The following FAM107A variants were observed in gnomAD, a reference collection of about 807,000 sequenced individuals.
FAM107A encodes actin-associated protein FAM107A.
Under a neutral mutation model 13.7 loss-of-function variants are expected in FAM107A, and 19 were observed. That is an observed-to-expected ratio of 1.38 (90% CI 0.97 to 2.03). The LOEUF is 2.03. FAM107A is among the 30% of genes most tolerant of loss of function. FAM107A has a pLI of 0.00. For missense variants in FAM107A, 203 were observed against 184.4 expected, an observed-to-expected ratio of 1.10 and a Z score of -0.58; for synonymous variants, 82 against 74.5, an observed-to-expected ratio of 1.10 and a Z score of -0.52.
At chr3:58,572,478 T>C (rs1394597196) in intron 1 of FAM107A, among the ~76,000 whole-genome samples, 1 of 152,152 alleles carries the variant, frequency 6.6e-6, no homozygotes, top group African/African-American at 2.4e-5. Context: ...GGGAACAGCA[T>C]GTGTGACTCA....
At chr3:58,620,062 C>T (rs564927629) in intron 1 of FAM107A, among the ~76,000 whole-genome samples, 4 of 152,292 alleles carry the variant, frequency 2.6e-5, no homozygotes, top group East Asian at 1.9e-4. Flanking sequence ...GGAAATCAGC[C>T]TCCCTCTCTC....
At chr3:58,577,809 T>G (rs1575443527), upstream of FAM107A, 5 of 774,094 alleles carry the variant, frequency 6.5e-6, no homozygotes, top group South Asian at 5.9e-5. This position sits in a 1 kb window ranked among gnomAD's most constrained non-coding sequence, Gnocchi z 4.9. Context: ...GGGAAAAGGG[T>G]GGGGTGTAAA....
intron 1 of FAM107A, among the ~76,000 whole-genome samples, chr3:58,583,880 C>T (rs1250704166): frequency 6.6e-6 from 1 of 152,126 alleles, no homozygotes; most frequent in Non-Finnish European, 1.5e-5. Flanking sequence ...CGAGATCTCA[C>T]TATTTTGCCC....
rs1163175005 is a variant in FAM107A at position 58,569,184 on chromosome 3, C to T, written c.170+507G>A. On this transcript the variant is annotated intron_variant, in intron 2 of 3. Transcript: ENST00000360997. This position sits in a 1 kb window ranked among gnomAD's most constrained non-coding sequence, Gnocchi z 5.7. Reference sequence around the variant, plus strand: ...GAGGTTCCCTCTGCCATCCAGCACCCACCTCCGGCCTGGCTAACTCCAGTC... The same window carrying T: ...GAGGTTCCCTCTGCCATCCAGCACCTACCTCCGGCCTGGCTAACTCCAGTC... 2.0e-5 allele frequency among the ~76,000 whole-genome samples: 3 copies of T among 152,202 alleles called. No homozygotes were observed. Among genetic ancestry groups the T allele is most frequent in the Non-Finnish European group, 2.9e-5 (2 of 68,040 alleles).
chr3:58,580,411 A>ATTT (rs35805159), upstream of FAM107A, among the ~76,000 whole-genome samples: 111 of 89,018 alleles, frequency 1.2e-3, 2 homozygotes, highest in South Asian at 2.9e-3. Flanking sequence ...AGGAATCTGG[A>ATTT]TTTTTTTTTT....
chr3:58,570,036 A>T (rs905095334), intron 1 of FAM107A, among the ~76,000 whole-genome samples, 171 bp from the exon 2 acceptor site: 13 of 152,202 alleles, frequency 8.5e-5, no homozygotes, highest in Non-Finnish European at 1.3e-4. Flanking sequence ...TTCACTTATA[A>T]AATGGAAATC....
chr3:58,593,972 T>TC (rs1236024199), intron 1 of FAM107A, among the ~76,000 whole-genome samples: 1 of 149,336 alleles, frequency 6.7e-6, no homozygotes, highest in African/African-American at 2.5e-5. Context: ...GTTCCACCCC[T>TC]CCCCCCCACC....
chr3:58,567,036 A>G (rs2063628757), intron 3 of FAM107A, 172 bp downstream of exon 3: 2 of 774,386 alleles, frequency 2.6e-6, no homozygotes, highest in Non-Finnish European at 4.3e-6. Context: ...ACTCGCCCTA[A>G]GGACCTAGCA....
chr3:58,574,144 C>T (rs2063711114), intron 1 of FAM107A: 1 of 152,180 alleles, frequency 6.6e-6, no homozygotes, highest in South Asian at 2.1e-4. Flanking sequence ...GTGTGACCAC[C>T]CTGTTAGCTG....
chr3:58,579,918 G>A (rs560225392), upstream of FAM107A, among the ~76,000 whole-genome samples: 1 of 152,280 alleles, frequency 6.6e-6, no homozygotes, highest in African/African-American at 2.4e-5. Flanking sequence ...CTAGCCCCAG[G>A]GCAGGTACCT....
At position 58,565,475 on chromosome 3, in the gene FAM107A, C is replaced by T. The variant is rs979967929; in HGVS notation, c.*1113G>A. The T allele has an allele frequency of 3.6e-5, 4 of 111,988 alleles. No individual in the cohort carries two copies. The highest frequency in any genetic ancestry group is 3.3e-4 in the South Asian group (1 of 3,076). The allele number at this position is 111,988 out of a possible 1,614,324, so 6.9% of individuals were successfully genotyped here. A position where few individuals can be genotyped will look rare whatever the true frequency, so the allele number is the denominator to read the frequency against. ...TTTTTTTTTTTGGCTAGAATTGCAT[C>T]GTAACAGTGTGGTCACACTGGTAAG... is the stretch of plus-strand genomic sequence containing the variant. On this transcript the variant is annotated 3_prime_UTR_variant, in exon 4 of 4. Transcript: ENST00000360997.
upstream of FAM107A, among the ~76,000 whole-genome samples, chr3:58,582,393 G>A (rs572645263): frequency 2.5e-4 from 38 of 152,318 alleles, no homozygotes; most frequent in African/African-American, 8.9e-4. Flanking sequence ...CACCTGGGGA[G>A]GTGCCTTTTT....
In FAM107A at chr3:58,569,997, A is replaced by C; in HGVS notation, c.-5-132T>G. Reference sequence around the variant, plus strand: ...ACCTGCTACTGCGCATACCTGGGCAAGCTACCTGACTTTCTGAGCCTTAGT... The same window carrying C: ...ACCTGCTACTGCGCATACCTGGGCACGCTACCTGACTTTCTGAGCCTTAGT... On this transcript the variant is annotated intron_variant, in intron 1 of 3. Coordinates refer to ENST00000360997, the MANE Select transcript of FAM107A (RefSeq NM_001076778.3). The surrounding 1 kb of genome is among the most constrained non-coding windows in gnomAD (Gnocchi z 5.7). 3.7e-6 allele frequency: 3 copies of C among 820,402 alleles called. No homozygotes were observed. Among genetic ancestry groups the C allele is most frequent in the Non-Finnish European group, 5.6e-6 (3 of 540,416 alleles). The allele number at this position is 820,402 out of a possible 1,614,324, so 50.8% of individuals were successfully genotyped here. A position where few individuals can be genotyped will look rare whatever the true frequency, so the allele number is the denominator to read the frequency against.
Position 58,569,990 on chromosome 3 carries a change from C to G in FAM107A, c.-5-125G>C, listed in dbSNP as rs1010847036. The G allele has an allele frequency of 6.2e-5, 54 of 876,336 alleles. No homozygotes were observed. The highest frequency in any genetic ancestry group is 8.5e-5 in the Non-Finnish European group (50 of 586,620). 54.3% of individuals were successfully genotyped at this position (876,336 alleles called of 1,614,324 possible). A position where few individuals can be genotyped will look rare whatever the true frequency, so the allele number is the denominator to read the frequency against. ...CTTGGCCACCTGCTACTGCGCATACCTGGGCAAGCTACCTGACTTTCTGAG... is the reference window on the plus strand; with the variant it reads ...CTTGGCCACCTGCTACTGCGCATACGTGGGCAAGCTACCTGACTTTCTGAG... On this transcript the variant is annotated intron_variant, in intron 1 of 3. Transcript: ENST00000360997. The surrounding 1 kb of genome is among the most constrained non-coding windows in gnomAD (Gnocchi z 5.7).
upstream of FAM107A, among the ~76,000 whole-genome samples, chr3:58,587,415 TGTAAAATCGGAATAACCAGA>T (rs1447187199): frequency 6.6e-6 from 1 of 152,122 alleles, no homozygotes; most frequent in Non-Finnish European, 1.5e-5. Flanking sequence ...TTTCCTCATC[TGTAAAATCGGAATAACCAGA>T]GTACTTTCCT....
chr3:58,577,073 C>A lies in FAM107A; in HGVS notation c.-6+236G>T, dbSNP rs1311739627. On this transcript the variant is annotated intron_variant, in intron 1 of 3. Coordinates refer to ENST00000360997, the MANE Select transcript of FAM107A (RefSeq NM_001076778.3). This position sits in a 1 kb window ranked among gnomAD's most constrained non-coding sequence, Gnocchi z 4.9. ...GAAAAAGATCAACAAGAATGCAGGG[C>A]TATGCCAGGGGGCTCGCTTCTTTGT... Among the ~76,000 whole-genome samples, 4 of 152,234 alleles carry A rather than the reference C, an allele frequency of 2.6e-5. No homozygotes were observed. Among genetic ancestry groups the A allele is most frequent in the African/African-American group, 9.6e-5 (4 of 41,462 alleles).
chr3:58,603,911 A>C (rs953079856), intron 1 of FAM107A, among the ~76,000 whole-genome samples: 1 of 152,186 alleles, frequency 6.6e-6, no homozygotes, highest in Non-Finnish European at 1.5e-5. Context: ...AGGCTCCCCA[A>C]CTAGTAACTG....
At position 58,613,022 on chromosome 3, in the gene FAM107A, G is replaced by A. The variant is rs947482468; in HGVS notation, c.-70+14394C>T. On this transcript the variant is annotated intron_variant, in intron 1 of 3. Coordinates refer to the FAM107A transcript ENST00000465970. This position sits in a 1 kb window ranked among gnomAD's most constrained non-coding sequence, Gnocchi z 4.6. ...AACAGTTTCTACTGCTGTCCTTCCCGTTACCTCCTCCAATGGGGCTTCAGT... is the reference window on the plus strand; with the variant it reads ...AACAGTTTCTACTGCTGTCCTTCCCATTACCTCCTCCAATGGGGCTTCAGT... Among the ~76,000 whole-genome samples the A allele has an allele frequency of 4.6e-5, 7 of 152,016 alleles. No individual in the cohort carries two copies. The highest frequency in any genetic ancestry group is 7.4e-5 in the Non-Finnish European group (5 of 68,010).
chr3:58,608,947 C>T (rs1055403294), intron 1 of FAM107A: 2 of 152,210 alleles, frequency 1.3e-5, no homozygotes, highest in Non-Finnish European at 2.9e-5. Flanking sequence ...TGGAATGGGG[C>T]TTTGCATGCA....
Sources: allele counts gnomAD v4.1 joint callset (sites outside exome capture counted in the v4.1 genomes callset), GRCh38; gene constraint gnomAD v4.1.1; non-coding constraint Gnocchi (gnomAD v3.1); transcripts MANE v1.5; gene names NCBI Gene and HGNC (gene_info 2026-07-23, HGNC 2026-07-21).